TNS3: variants seen among roughly 807,000 people sequenced by gnomAD.
TNS3 encodes tensin-3.
Under a neutral mutation model 140.9 loss-of-function variants are expected in TNS3, and 45 were observed. The ratio of observed to expected loss-of-function variants is 0.32; its 90% CI spans 0.25 to 0.41. TNS3 has a LOEUF of 0.41. Ranked by LOEUF, TNS3 falls within the 10% of genes least tolerant of loss-of-function variation. TNS3 has a pLI of 1.00. For missense variants in TNS3, 1,716 were observed against 1,906.7 expected, an observed-to-expected ratio of 0.90 and a Z score of 1.86; for synonymous variants, 815 against 788.4, an observed-to-expected ratio of 1.03 and a Z score of -0.56.
intron 17 of TNS3, among the ~76,000 whole-genome samples, chr7:47,346,927 C>G (rs1789378134): frequency 6.6e-6 from 1 of 152,194 alleles, no homozygotes. Flanking sequence ...ACACCACAGG[C>G]GGTTATTCCT....
chr7:47,376,589 C>T (rs1791398223), intron 16 of TNS3, among the ~76,000 whole-genome samples: 1 of 152,174 alleles, frequency 6.6e-6, no homozygotes, highest in African/African-American at 2.4e-5. Context: ...CCTGCACTAA[C>T]ATTAACGATT....
chr7:47,460,345 C>T (rs1247140478), intron 4 of TNS3, among the ~76,000 whole-genome samples: 1 of 152,268 alleles, frequency 6.6e-6, no homozygotes, highest in East Asian at 1.9e-4. Context: ...AGAATCCAAC[C>T]CTGCAGACAC....
chr7:47,361,666 T>A (rs1034158355), intron 17 of TNS3, among the ~76,000 whole-genome samples: 1 of 152,198 alleles, frequency 6.6e-6, no homozygotes, highest in Non-Finnish European at 1.5e-5. Flanking sequence ...GGGCTCTCCA[T>A]GGTCAATTAT....
intron 1 of TNS3, among the ~76,000 whole-genome samples, chr7:47,556,342 G>C (rs1160958297): frequency 6.6e-6 from 1 of 152,126 alleles, no homozygotes; most frequent in Non-Finnish European, 1.5e-5. Flanking sequence ...AGATTATTTA[G>C]AGTCCTCATC....
chr7:47,411,684 G>C, intron 13 of TNS3, 43 bp downstream of exon 13: 1 of 1,557,056 alleles, frequency 6.4e-7, no homozygotes, highest in Non-Finnish European at 8.8e-7. Context: ...ACCACTGGGA[G>C]AGTGGGGACA....
chr7:47,559,475 C>T (rs1800278523), intron 1 of TNS3, among the ~76,000 whole-genome samples: 1 of 152,148 alleles, frequency 6.6e-6, no homozygotes, highest in African/African-American at 2.4e-5. Flanking sequence ...AGGAATGTGC[C>T]CTTGGCGAGT....
At chr7:47,525,365 G>A (rs1304013558) in intron 2 of TNS3, among the ~76,000 whole-genome samples, 1 of 152,240 alleles carries the variant, frequency 6.6e-6, no homozygotes, top group Non-Finnish European at 1.5e-5. Flanking sequence ...GATGTTGCCA[G>A]AAGCGTGTGA....
intron 1 of TNS3, among the ~76,000 whole-genome samples, chr7:47,552,716 CCT>C (rs1800096777): frequency 6.6e-6 from 1 of 152,098 alleles, no homozygotes; most frequent in South Asian, 2.1e-4. Flanking sequence ...CTCCATATTC[CCT>C]GAGACACAAC....
intron 10 of TNS3, among the ~76,000 whole-genome samples, chr7:47,423,451 C>G (rs1321475388): frequency 6.6e-6 from 1 of 152,240 alleles, no homozygotes; most frequent in Non-Finnish European, 1.5e-5. Flanking sequence ...GTTCTGCACC[C>G]CACCATGACT....
chr7:47,302,386 G>A (rs982813201), intron 22 of TNS3, 114 bp from the exon 23 acceptor site: 13 of 817,148 alleles, frequency 1.6e-5, no homozygotes, highest in East Asian at 1.0e-4. Context: ...GCAAGCGAGC[G>A]ATGTTCTAAG....
At chr7:47,473,404 T>A (rs1260755320) in intron 4 of TNS3, among the ~76,000 whole-genome samples, 1 of 152,138 alleles carries the variant, frequency 6.6e-6, no homozygotes, top group East Asian at 1.9e-4. Flanking sequence ...GTGACTCTGG[T>A]CAAATATGTT....
At chr7:47,304,725 T>G in intron 21 of TNS3, 107 bp downstream of exon 21, 1 of 1,155,958 alleles carries the variant, frequency 8.7e-7, no homozygotes. Context: ...CTGCCTGGTC[T>G]AGCTTCAGCT....
chr7:47,450,498 G>T (rs1795966932), intron 4 of TNS3, among the ~76,000 whole-genome samples: 1 of 152,216 alleles, frequency 6.6e-6, no homozygotes, highest in Admixed American at 6.5e-5. Context: ...ACTGAAAACG[G>T]TAATACACAT....
In TNS3 at chr7:47,368,592, C is replaced by T. The variant is rs1336240807; in HGVS notation, c.2054G>A (p.Gly685Asp). Residue 685 changes from glycine to aspartate, a missense_variant, in exon 17 of 31, where the codon GGC becomes GAC. Coordinates refer to ENST00000311160, the MANE Select transcript of TNS3 (RefSeq NM_022748.12). ...VNGAGPELST[G>D]PSPGSPTLDI... is the part of the protein sequence containing the mutation. ...CAGGGTGGGCGAGCCTGGGGAGGGG[C>T]CTGTGCTCAGCTCTGGGCCGGCTCC... The T allele has an allele frequency of 6.3e-7, 1 of 1,578,064 alleles. No homozygotes were observed. Among genetic ancestry groups the T allele is most frequent in the East Asian group, 2.2e-5 (1 of 44,476 alleles).
chr7:47,569,447 G>A (rs185271339), intron 1 of TNS3, among the ~76,000 whole-genome samples: 176 of 152,302 alleles, frequency 1.2e-3, no homozygotes, highest in Non-Finnish European at 1.9e-3. Flanking sequence ...GAGAGGCTGA[G>A]GCAGGAGAAT....
intron 4 of TNS3, among the ~76,000 whole-genome samples, chr7:47,442,690 G>C (rs1314992232): frequency 6.6e-6 from 1 of 152,174 alleles, no homozygotes; most frequent in Non-Finnish European, 1.5e-5. Context: ...TTGTCAGATG[G>C]CAGAGGTGAA....
chr7:47,330,869 A>AC (rs1211909465), intron 20 of TNS3, among the ~76,000 whole-genome samples: 2 of 151,320 alleles, frequency 1.3e-5, no homozygotes, highest in Non-Finnish European at 3.0e-5. Flanking sequence ...CTCCCTTAAC[A>AC]CCCTCCCACC....
intron 16 of TNS3, among the ~76,000 whole-genome samples, chr7:47,385,694 C>A (rs1241270160): frequency 6.6e-6 from 1 of 152,190 alleles, no homozygotes; most frequent in Non-Finnish European, 1.5e-5. Flanking sequence ...AATGAACTCC[C>A]AATACTACGA....
chr7:47,278,262 A>C, intron 30 of TNS3, 42 bp from the exon 31 acceptor site: 3 of 1,592,340 alleles, frequency 1.9e-6, no homozygotes, highest in Non-Finnish European at 2.6e-6. Flanking sequence ...GTGTCCCACA[A>C]AGTACCAAGC....
Sources: gnomAD v4.1 joint callset for allele counts (sites outside exome capture counted in the v4.1 genomes callset) on GRCh38, gnomAD v4.1.1 for gene constraint, MANE v1.5 for transcripts, NCBI Gene and HGNC (gene_info 2026-07-23, HGNC 2026-07-21) for gene names.